Variants in PCDHGA2 observed in about 807,000 individuals in gnomAD.
The protein encoded by PCDHGA2 is protocadherin gamma-A2.
A neutral mutation model predicts 59.2 loss-of-function variants in PCDHGA2; 40 were observed. That is an observed-to-expected ratio of 0.68 (90% CI 0.52 to 0.88). The LOEUF (loss-of-function observed/expected upper bound fraction) is 0.88. Ranked by LOEUF, PCDHGA2 falls within the 40% of genes least tolerant of loss-of-function variation. The pLI, the probability that PCDHGA2 is intolerant of heterozygous loss-of-function variation, is 0.00. For synonymous variants in PCDHGA2, 560 were observed against 526.0 expected (o/e 1.06, Z -0.89); for missense variants, 1,226 against 1,204.0 (o/e 1.02, Z -0.27).
chr5:141,339,338 A>G lies in PCDHGA2; in HGVS notation c.367A>G (p.Ile123Val). ...KLTIYSVEVE[I>V]TDINDNAPRF... is the part of the protein sequence containing the mutation. Reference sequence around the variant, plus strand: ...GACTATTTATTCAGTAGAGGTGGAAATAACAGATATTAACGATAATGCCCC... The same window carrying G: ...GACTATTTATTCAGTAGAGGTGGAAGTAACAGATATTAACGATAATGCCCC... The change falls in exon 1 of 4, where the codon ATA becomes GTA. Residue 123 changes from isoleucine (I) to valine (V), a missense_variant. Coordinates refer to ENST00000394576, the MANE Select transcript of PCDHGA2 (RefSeq NM_018915.4). 2 of 1,614,260 alleles carry G rather than the reference A, an allele frequency of 1.2e-6. No individual in the cohort carries two copies. Among genetic ancestry groups the G allele is most frequent in the Non-Finnish European group, 1.7e-6 (2 of 1,180,036 alleles).
intron 2 of PCDHGA2, among the ~76,000 whole-genome samples, chr5:141,501,890 A>G (rs1046816316): frequency 6.6e-6 from 1 of 151,980 alleles, no homozygotes; most frequent in Non-Finnish European, 1.5e-5. Flanking sequence ...CCTGATCATC[A>G]TGGTTCCAAC....
Position 141,421,488 on chromosome 5 carries a change from G to A in PCDHGA2, c.2425-73319G>A. On this transcript the variant is annotated intron_variant, in intron 1 of 3. Transcript: ENST00000394576. ...ATCCGCGAAGCGGCAGCTTGATCAC[G>A]GCAGGCAGGATAGACCGGGAGGAGC... The A allele has an allele frequency of 1.9e-6, 3 of 1,614,100 alleles. No homozygotes were observed. In the South Asian group the frequency reaches 3.3e-5, roughly 18 times the overall value.
At chr5:141,351,198 T>G (rs2149761411) in intron 1 of PCDHGA2, 1 of 1,614,050 alleles carries the variant, frequency 6.2e-7, no homozygotes, top group Middle Eastern at 1.6e-4. Flanking sequence ...AGATATGTGT[T>G]GAGTGTGGAA....
chr5:141,448,763 A>AC (rs1372638258), intron 1 of PCDHGA2, among the ~76,000 whole-genome samples: 11 of 151,572 alleles, frequency 7.3e-5, no homozygotes, highest in Admixed American at 5.3e-4. Flanking sequence ...ACACGGTGAA[A>AC]CCCCGTCTGT....
chr5:141,351,943 C>T (rs548781270), intron 1 of PCDHGA2: 10 of 1,613,052 alleles, frequency 6.2e-6, no homozygotes, highest in African/African-American at 4.0e-5. Context: ...TGCTGTACCC[C>T]GCGCTGGGGC....
chr5:141,418,087 C>T (rs2096220274), intron 1 of PCDHGA2: 9 of 1,613,894 alleles, frequency 5.6e-6, no homozygotes, highest in Non-Finnish European at 7.6e-6. Flanking sequence ...TGCACTTCAG[C>T]GTAGACGCGC....
intron 1 of PCDHGA2, chr5:141,418,211 C>T (rs752988020): frequency 1.2e-6 from 2 of 1,613,916 alleles, no homozygotes; most frequent in East Asian, 4.5e-5. Context: ...AAATATTTTT[C>T]ATGTCATTGT....
At chr5:141,344,304 G>C in intron 1 of PCDHGA2, 1 of 1,614,096 alleles carries the variant, frequency 6.2e-7, no homozygotes, top group Non-Finnish European at 8.5e-7. Flanking sequence ...GGAGAGGATA[G>C]ACCGGGAGGA....
At chr5:141,366,856 T>C (rs900954854) in intron 1 of PCDHGA2, 26 of 1,424,752 alleles carry the variant, frequency 1.8e-5, no homozygotes, top group Non-Finnish European at 2.4e-5. Context: ...TAGTGGAACA[T>C]TATTTGCTGT....
At chr5:141,413,182 G>T (rs752788034) in intron 1 of PCDHGA2, 2 of 1,604,164 alleles carry the variant, frequency 1.2e-6, no homozygotes, top group Admixed American at 3.4e-5. Flanking sequence ...TACAATGGCC[G>T]CTCAAAGGAA....
chr5:141,345,736 C>G (rs1272534792), intron 1 of PCDHGA2: 3 of 1,614,102 alleles, frequency 1.9e-6, no homozygotes, highest in African/African-American at 1.3e-5. Context: ...CCCGCCCTCC[C>G]CACAGACGGT....
At chr5:141,466,146 T>C (rs977109086) in intron 1 of PCDHGA2, among the ~76,000 whole-genome samples, 5 of 151,880 alleles carry the variant, frequency 3.3e-5, no homozygotes, top group Non-Finnish European at 7.4e-5. Context: ...GTGAAAACTC[T>C]GGTCTTAAAC....
chr5:141,447,257 A>G (rs1182682161), intron 1 of PCDHGA2, among the ~76,000 whole-genome samples: 1 of 152,080 alleles, frequency 6.6e-6, no homozygotes, highest in Non-Finnish European at 1.5e-5. Flanking sequence ...CTTCTGTCTC[A>G]GCCTCCCAAG....
At chr5:141,475,553 TTGTC>T (rs2099365287) in intron 1 of PCDHGA2, among the ~76,000 whole-genome samples, 2 of 152,260 alleles carry the variant, frequency 1.3e-5, no homozygotes, top group Non-Finnish European at 2.9e-5. Context: ...GTCCGGCTAA[TTGTC>T]TGTCTTCCAA....
At chr5:141,350,352 T>C (rs1758454305) in intron 1 of PCDHGA2, 1 of 1,562,780 alleles carries the variant, frequency 6.4e-7, no homozygotes, top group Non-Finnish European at 8.7e-7. Context: ...TCCCAGCAGA[T>C]CCGATACACG....
chr5:141,398,528 C>T (rs1355149152), intron 1 of PCDHGA2: 2 of 1,613,386 alleles, frequency 1.2e-6, no homozygotes, highest in Non-Finnish European at 1.7e-6. Flanking sequence ...CCAAAATTCA[C>T]GCAAAATTCC....
chr5:141,376,310 G>A (rs1211342702), intron 1 of PCDHGA2: 5 of 1,613,822 alleles, frequency 3.1e-6, no homozygotes, highest in East Asian at 2.2e-5. Flanking sequence ...CTTTGTGGGC[G>A]TGGAAGGGGT....
At position 141,491,651 on chromosome 5, in the gene PCDHGA2, A is replaced by G. The variant is rs1379494110; in HGVS notation, c.2425-3156A>G. 1.9e-6 allele frequency: 3 copies of G among 1,613,796 alleles called. 1 individual carries two copies. ...CAGCAGCCCACAGCTCTGGCGCTGGAGCCTGACGCCATCCGGTCCCGCTCT... is the reference window on the plus strand; with the variant it reads ...CAGCAGCCCACAGCTCTGGCGCTGGGGCCTGACGCCATCCGGTCCCGCTCT... On this transcript the variant is annotated intron_variant, in intron 1 of 3. Coordinates refer to ENST00000394576, the MANE Select transcript of PCDHGA2 (RefSeq NM_018915.4). The surrounding 1 kb of genome is among the most constrained non-coding windows in gnomAD (Gnocchi z 6.9).
chr5:141,415,289 C>T (rs1413039067), intron 1 of PCDHGA2: 11 of 1,614,088 alleles, frequency 6.8e-6, no homozygotes, highest in African/African-American at 1.3e-5. Flanking sequence ...GCCGCGGTCT[C>T]CTGCGTCTTC....
Sources: allele counts gnomAD v4.1 joint callset (sites outside exome capture counted in the v4.1 genomes callset), GRCh38; gene constraint gnomAD v4.1.1; non-coding constraint Gnocchi (gnomAD v3.1); transcripts MANE v1.5; gene names NCBI Gene and HGNC (gene_info 2026-07-23, HGNC 2026-07-21).